Variants in CCDC148 observed in about 807,000 individuals in gnomAD.
The protein encoded by CCDC148 is coiled-coil domain containing 148.
A neutral mutation model predicts 85.7 loss-of-function variants in CCDC148; 89 were observed. The observed-to-expected ratio is 1.04, with a 90% CI of 0.87 to 1.24. The LOEUF is 1.24. CCDC148 is among the 50% of genes most tolerant of loss of function. The pLI, the probability that CCDC148 is intolerant of heterozygous loss-of-function variation, is 0.00. For synonymous variants in CCDC148, 230 were observed against 213.9 expected (o/e 1.08, Z -0.66); for missense variants, 692 against 671.7 (o/e 1.03, Z -0.33).
chr2:158,282,535 C>G (rs546249653), intron 9 of CCDC148, among the ~76,000 whole-genome samples: 2 of 152,216 alleles, frequency 1.3e-5, no homozygotes, highest in Non-Finnish European at 2.9e-5. Context: ...ACAATTGCTT[C>G]AAAGAGAATA....
intron 1 of CCDC148, among the ~76,000 whole-genome samples, chr2:158,383,935 C>G (rs916184979): frequency 1.3e-5 from 2 of 152,138 alleles, no homozygotes; most frequent in African/African-American, 4.8e-5. Context: ...CTCCTTAGTC[C>G]CCTTCAGCCC....
At chr2:158,286,860 C>T (rs1171114056) in intron 9 of CCDC148, among the ~76,000 whole-genome samples, 1 of 151,816 alleles carries the variant, frequency 6.6e-6, no homozygotes, top group African/African-American at 2.4e-5. Context: ...GTATTAGAGG[C>T]AAAATAATAA....
chr2:158,275,137 T>C (rs873121), intron 9 of CCDC148, among the ~76,000 whole-genome samples: 69,649 of 152,024 alleles, frequency 0.46, 16,450 homozygotes, highest in East Asian at 0.65. Context: ...TACTTCCTCA[T>C]AAGTGATTCT....
intron 1 of CCDC148, among the ~76,000 whole-genome samples, chr2:158,391,873 G>A (rs1422812382): frequency 6.6e-6 from 1 of 152,082 alleles, no homozygotes; most frequent in Non-Finnish European, 1.5e-5. Flanking sequence ...CTTGGTAACA[G>A]GGGCACAAGT....
intron 3 of CCDC148, among the ~76,000 whole-genome samples, chr2:158,343,154 G>A (rs1412263761): frequency 6.6e-6 from 1 of 152,086 alleles, no homozygotes; most frequent in African/African-American, 2.4e-5. Flanking sequence ...CACGTAGCTG[G>A]GACTACTGGT....
chr2:158,414,177 G>A (rs1165124543), intron 1 of CCDC148, among the ~76,000 whole-genome samples: 1 of 152,120 alleles, frequency 6.6e-6, no homozygotes, highest in Non-Finnish European at 1.5e-5. Context: ...AAAAACAGAT[G>A]TGTTAGGCAT....
At chr2:158,351,191 A>T (rs1386987948) in intron 2 of CCDC148, among the ~76,000 whole-genome samples, 1 of 152,156 alleles carries the variant, frequency 6.6e-6, no homozygotes, top group Non-Finnish European at 1.5e-5. Context: ...TCCCTCCCCC[A>T]GCAAACAGTA....
intron 7 of CCDC148, 110 bp from the exon 8 acceptor site, chr2:158,314,004 C>T: frequency 4.5e-6 from 5 of 1,099,006 alleles, no homozygotes; most frequent in Non-Finnish European, 1.3e-6. Flanking sequence ...AACGAGGTTT[C>T]TGTGTATTTT....
Position 158,211,734 on chromosome 2 carries a change from T to G in CCDC148, c.1370+8861A>C, listed in dbSNP as rs575241124. Among the ~76,000 whole-genome samples the G allele has an allele frequency of 3.3e-5, 5 of 152,318 alleles. No homozygotes were observed. The East Asian group carries it at 9.6e-4, about 29-fold the overall frequency. ...TGATGTACAGTCATCAGGAGCTAAA[T>G]CATCATCCAAGACCTCTTGAATGAC... On this transcript the variant is annotated intron_variant, in intron 11 of 13. Transcript: ENST00000283233.
chr2:158,407,625 C>T (rs1428350450), intron 1 of CCDC148, among the ~76,000 whole-genome samples: 2 of 151,768 alleles, frequency 1.3e-5, no homozygotes, highest in East Asian at 3.9e-4. Context: ...CAGCATCCGG[C>T]AAGAAAAAAA....
intron 1 of CCDC148, among the ~76,000 whole-genome samples, chr2:158,433,091 A>AT (rs57287790): frequency 0.041 from 2,103 of 51,316 alleles, 68 homozygotes; most frequent in African/African-American, 0.062. Context: ...AAAAAAAAAA[A>AT]ATATATATAT....
intron 1 of CCDC148, among the ~76,000 whole-genome samples, chr2:158,423,844 T>C (rs1290098845): frequency 7.0e-6 from 1 of 143,508 alleles, no homozygotes; most frequent in Non-Finnish European, 1.5e-5. Flanking sequence ...ATCCAGAATC[T>C]ACAAAGAACT....
chr2:158,410,589 C>T (rs1686215098), intron 1 of CCDC148, among the ~76,000 whole-genome samples: 1 of 152,002 alleles, frequency 6.6e-6, no homozygotes, highest in Non-Finnish European at 1.5e-5. Context: ...TATTTTAAAT[C>T]GATATCAACA....
chr2:158,198,078 A>G (rs1002577270), intron 11 of CCDC148, among the ~76,000 whole-genome samples: 2 of 152,124 alleles, frequency 1.3e-5, no homozygotes, highest in Admixed American at 1.3e-4. Context: ...AAACACTTCA[A>G]CTATAGTAAA....
intron 2 of CCDC148, among the ~76,000 whole-genome samples, chr2:158,349,836 T>C (rs918801503): frequency 6.6e-6 from 1 of 152,138 alleles, no homozygotes; most frequent in African/African-American, 2.4e-5. Context: ...TCTCACTAAC[T>C]GAAATTCAAA....
intron 10 of CCDC148, among the ~76,000 whole-genome samples, chr2:158,240,452 T>TCTCTCTCTCTCACACACA (rs941238898): frequency 1.7e-5 from 2 of 120,468 alleles, no homozygotes; most frequent in Admixed American, 9.0e-5. Context: ...TCTCTCTCTC[T>TCTCTCTCTCTCACACACA]CACACACACA....
intron 7 of CCDC148, among the ~76,000 whole-genome samples, chr2:158,327,595 CA>C (rs1692846373): frequency 6.6e-6 from 1 of 152,180 alleles, no homozygotes; most frequent in Non-Finnish European, 1.5e-5. Flanking sequence ...TTCATGGCAA[CA>C]TGCTACAGTT....
chr2:158,424,893 G>A lies in CCDC148; in HGVS notation c.25+31522C>T, dbSNP rs143247303. 3.6e-4 allele frequency: 96 copies of A among 268,932 alleles called. No homozygotes were observed. The East Asian group carries it at 7.1e-3, about 20-fold the overall frequency. 16.7% of individuals were successfully genotyped at this position (268,932 alleles called of 1,614,324 possible). A position where few individuals can be genotyped will look rare whatever the true frequency, so the allele number is the denominator to read the frequency against. On this transcript the variant is annotated intron_variant, in intron 1 of 13. Transcript: ENST00000283233. ...ATTTTGTTTTCTCACATATATAGAT[G>A]AAGAGCCAGTAACGAAATTGTTAGA...
At chr2:158,262,127 A>C (rs958340162) in intron 9 of CCDC148, among the ~76,000 whole-genome samples, 1 of 152,116 alleles carries the variant, frequency 6.6e-6, no homozygotes, top group Non-Finnish European at 1.5e-5. Flanking sequence ...CCTACCAATG[A>C]CAGATTAGAT....
Sources: allele counts gnomAD v4.1 joint callset (sites outside exome capture counted in the v4.1 genomes callset), GRCh38; gene constraint gnomAD v4.1.1; transcripts MANE v1.5; gene names NCBI Gene and HGNC (gene_info 2026-07-23, HGNC 2026-07-21).